Variants in ANXA8 observed in about 807,000 individuals in gnomAD.
ANXA8 encodes VAC-beta.
A neutral mutation model predicts 26.8 loss-of-function variants in ANXA8; 9 were observed. The ratio of observed to expected loss-of-function variants is 0.34; its 90% CI spans 0.20 to 0.59. The LOEUF is 0.59. Among genes scored for constraint, ANXA8 ranks in the 20% least tolerant of loss-of-function variants. The pLI is 0.84. For synonymous variants in ANXA8, 39 were observed against 94.8 expected, an observed-to-expected ratio of 0.41 and a Z score of 3.42; for missense variants, 83 against 238.5, an observed-to-expected ratio of 0.35 and a Z score of 4.29.
chr10:47,580,621 T>A, the ANXA8 span, among the ~76,000 whole-genome samples: 1 of 150,012 alleles, frequency 6.7e-6, no homozygotes, highest in South Asian at 2.1e-4. Context: ...TGAATACCTG[T>A]AGCCCCAGCT....
chr10:47,761,023 G>A, the ANXA8 span: 508 of 899,774 alleles, frequency 5.6e-4, 2 homozygotes, highest in Middle Eastern at 3.5e-3. Context: ...GGGGCTGGAG[G>A]AAGAAAAGCC....
chr10:47,778,548 G>C, the ANXA8 span, among the ~76,000 whole-genome samples: 2 of 151,794 alleles, frequency 1.3e-5, no homozygotes, highest in African/African-American at 4.8e-5. Context: ...TGCTAATCCT[G>C]CTTCTTCAGA....
chr10:47,559,109 A>C, the ANXA8 span, among the ~76,000 whole-genome samples: 2 of 133,784 alleles, frequency 1.5e-5, no homozygotes, highest in Non-Finnish European at 3.2e-5. Context: ...TTCCCAATCC[A>C]TTAAGTAGAG....
At chr10:47,672,974 G>A in the ANXA8 span, among the ~76,000 whole-genome samples, 3 of 151,110 alleles carry the variant, frequency 2.0e-5, no homozygotes, top group African/African-American at 7.4e-5. Context: ...TCATAGTGGA[G>A]AAGAAACCCA....
the ANXA8 span, among the ~76,000 whole-genome samples, chr10:47,747,116 T>C: frequency 6.8e-6 from 1 of 147,268 alleles, no homozygotes; most frequent in Non-Finnish European, 1.5e-5. Flanking sequence ...TGGCCCTCTG[T>C]GAACTACTTT....
At chr10:47,957,050 A>G in the ANXA8 span, among the ~76,000 whole-genome samples, 4 of 150,530 alleles carry the variant, frequency 2.7e-5, no homozygotes, top group African/African-American at 9.9e-5. Context: ...TGGATGTAGT[A>G]CCCAGTATCC....
At chr10:47,727,090 G>A in the ANXA8 span, 4 of 739,008 alleles carry the variant, frequency 5.4e-6, no homozygotes, top group Non-Finnish European at 9.7e-6. Context: ...TTTAGCTTAA[G>A]TGAAATATAA....
At chr10:47,732,971 C>T in the ANXA8 span, among the ~76,000 whole-genome samples, 7 of 149,830 alleles carry the variant, frequency 4.7e-5, no homozygotes, top group East Asian at 1.2e-3. Context: ...AAAGAGGTAA[C>T]AGTAGGATGG....
At chr10:47,694,381 C>G in the ANXA8 span, among the ~76,000 whole-genome samples, 3 of 148,690 alleles carry the variant, frequency 2.0e-5, no homozygotes, top group Non-Finnish European at 4.4e-5. Flanking sequence ...GTAGTTCATA[C>G]TACCTATTGA....
the ANXA8 span, among the ~76,000 whole-genome samples, chr10:47,950,489 C>T: frequency 6.6e-6 from 1 of 151,100 alleles, no homozygotes; most frequent in African/African-American, 2.4e-5. Context: ...ATCAACAGCG[C>T]AATAAATCAA....
At chr10:47,568,145 C>T in the ANXA8 span, 15 of 176,464 alleles carry the variant, frequency 8.5e-5, no homozygotes, top group African/African-American at 3.1e-4. Flanking sequence ...GGCGATTCTC[C>T]TTGATCCAGT....
chr10:47,743,774 C>T, the ANXA8 span, among the ~76,000 whole-genome samples: 1 of 150,310 alleles, frequency 6.7e-6, no homozygotes, highest in African/African-American at 2.5e-5. Context: ...GCAAGCGCGG[C>T]CCCTCCGCCA....
At chr10:47,599,162 A>G in the ANXA8 span, among the ~76,000 whole-genome samples, 1 of 145,618 alleles carries the variant, frequency 6.9e-6, no homozygotes, top group East Asian at 2.0e-4. Context: ...AAGGAGGATC[A>G]ACATATTTAA....
At chr10:47,584,114 A>G in the ANXA8 span, among the ~76,000 whole-genome samples, 1,733 of 134,062 alleles carry the variant, frequency 0.013, 15 homozygotes, top group Non-Finnish European at 0.017. Flanking sequence ...GGAAGGTTGA[A>G]GCTATAGTGA....
the ANXA8 span, among the ~76,000 whole-genome samples, chr10:47,513,647 C>T: frequency 7.1e-6 from 1 of 140,000 alleles, no homozygotes; most frequent in Admixed American, 7.4e-5. Context: ...TACTATAAGG[C>T]CATAGTCGCC....
the ANXA8 span, among the ~76,000 whole-genome samples, chr10:47,580,542 G>T: frequency 5.3e-5 from 8 of 150,654 alleles, no homozygotes; most frequent in Non-Finnish European, 1.0e-4. Context: ...TCAAGACCAG[G>T]CTGGGCAACA....
the ANXA8 span, among the ~76,000 whole-genome samples, chr10:47,640,891 A>G: frequency 4.5e-5 from 6 of 132,040 alleles, no homozygotes; most frequent in Non-Finnish European, 6.2e-5. Context: ...TGTCTAAGAA[A>G]AGGAGTAGTC....
chr10:47,733,187 T>TTC, the ANXA8 span, among the ~76,000 whole-genome samples: 1 of 94,222 alleles, frequency 1.1e-5, no homozygotes, highest in Non-Finnish European at 2.5e-5. Context: ...CTTTCTTTCT[T>TTC]TCTTTCTTTC....
At chr10:47,743,279 C>CAT in the ANXA8 span, among the ~76,000 whole-genome samples, 1 of 29,372 alleles carries the variant, frequency 3.4e-5, no homozygotes, top group Non-Finnish European at 7.4e-5. Context: ...TATATATATA[C>CAT]ACACATATAT....
Sources: allele counts gnomAD v4.1 joint callset (sites outside exome capture counted in the v4.1 genomes callset), GRCh38; gene constraint gnomAD v4.1.1; transcripts MANE v1.5; gene names NCBI Gene and HGNC (gene_info 2026-07-23, HGNC 2026-07-21).